The following PHKA1 variants were observed in gnomAD, a reference collection of about 807,000 sequenced individuals.
PHKA1 encodes the protein phosphorylase kinase regulatory subunit alpha 1, also known as phosphorylase b kinase regulatory subunit alpha, skeletal muscle isoform.
Under a neutral mutation model 110.2 loss-of-function variants are expected in PHKA1, and 60 were observed. The ratio of observed to expected loss-of-function variants is 0.54; its 90% CI spans 0.44 to 0.68. The LOEUF (loss-of-function observed/expected upper bound fraction) is 0.68, where lower values mean the gene tolerates loss of function less well. Among genes scored for constraint, PHKA1 ranks in the 30% least tolerant of loss-of-function variants. The pLI is 0.00. For missense variants in PHKA1, 801 were observed against 942.5 expected, an observed-to-expected ratio of 0.85 and a Z score of 1.97; for synonymous variants, 316 against 333.6, an observed-to-expected ratio of 0.95 and a Z score of 0.58.
intron 8 of PHKA1, among the ~76,000 whole-genome samples, chrX:72,662,454 C>T (rs782266233): frequency 9.8e-5 from 11 of 112,252 alleles, no homozygotes; most frequent in Admixed American, 3.7e-4. Context: ...CTGGACCAGC[C>T]TGACGGAGAA....
chrX:72,676,187 T>TA, intron 5 of PHKA1, 37 bp from the exon 6 acceptor site: 1 of 1,048,227 alleles, frequency 9.5e-7, no homozygotes, highest in Non-Finnish European at 1.3e-6. Flanking sequence ...TAGCAAGTCA[T>TA]AACTACTAAA....
In PHKA1 at chrX:72,605,279, C is replaced by G; in HGVS notation, c.2807G>C (p.Arg936Pro). 1 of 1,203,094 alleles carries G rather than the reference C, an allele frequency of 8.3e-7. No individual in the cohort carries two copies. The highest frequency in any genetic ancestry group is 1.1e-6 in the Non-Finnish European group (1 of 887,810). Residue 936 changes from arginine to proline, a missense_variant, in exon 25 of 32, where the codon CGA becomes CCA. Arg to Pro is a moderately radical substitution (Grantham distance 103). Coordinates refer to ENST00000373542, the MANE Select transcript of PHKA1 (RefSeq NM_002637.4). ...GTTACTGAATTAAGTACCTGAGCAT[C>G]GAAGGGAGTGGGCCAGTTCTGTTGC... is the stretch of plus-strand genomic sequence containing the variant. The part of the protein sequence containing the change: ...VMATELAHSL[R>P]CSAEEATEGL...
intron 23 of PHKA1, among the ~76,000 whole-genome samples, chrX:72,607,032 T>C (rs193176499): frequency 2.2e-4 from 25 of 111,950 alleles, no homozygotes; most frequent in Non-Finnish European, 3.9e-4. Context: ...GTTCCATCCA[T>C]GTTGTTACAA....
chrX:72,613,378 TACACACACACAC>T (rs60746566), intron 21 of PHKA1, among the ~76,000 whole-genome samples: 2 of 97,973 alleles, frequency 2.0e-5, no homozygotes, highest in Admixed American at 2.2e-4. Flanking sequence ...CATGGGAGGA[TACACACACACAC>T]ACACACACAC....
intron 17 of PHKA1, among the ~76,000 whole-genome samples, chrX:72,624,687 G>A (rs1328893246): frequency 4.5e-5 from 5 of 111,514 alleles, no homozygotes; most frequent in African/African-American, 1.6e-4. Flanking sequence ...TGCAGGACCT[G>A]TAAGTAATAA....
chrX:72,627,882 A>G (rs2147720477), intron 16 of PHKA1, among the ~76,000 whole-genome samples: 1 of 91,495 alleles, frequency 1.1e-5, no homozygotes, highest in African/African-American at 4.5e-5. Flanking sequence ...CAATGGCTTG[A>G]TCTCGGCTCA....
chrX:72,622,063 C>T, intron 18 of PHKA1: 3 of 742,146 alleles, frequency 4.0e-6, no homozygotes, highest in Non-Finnish European at 4.8e-6. Flanking sequence ...TATGCCAAGA[C>T]ATCATGACTT....
intron 15 of PHKA1, 32 bp downstream of exon 15, chrX:72,636,245 T>A: frequency 1.2e-6 from 1 of 849,905 alleles, no homozygotes; most frequent in South Asian, 2.0e-5. Context: ...TTTCCATTCA[T>A]CTCAATGCAC....
intron 4 of PHKA1, among the ~76,000 whole-genome samples, chrX:72,690,769 T>G (rs1603272873): frequency 1.8e-5 from 2 of 112,204 alleles, no homozygotes; most frequent in Admixed American, 1.9e-4. Flanking sequence ...TTAATTTCTT[T>G]TTTTGTTTGT....
intron 3 of PHKA1, among the ~76,000 whole-genome samples, chrX:72,696,743 T>C (rs2054123410): frequency 9.0e-6 from 1 of 111,716 alleles, no homozygotes; most frequent in Admixed American, 9.4e-5. Context: ...ATCTTCAACT[T>C]TGGCAAAATA....
chrX:72,664,624 A>G (rs187598901), intron 8 of PHKA1, among the ~76,000 whole-genome samples: 2 of 111,783 alleles, frequency 1.8e-5, no homozygotes, highest in Admixed American at 1.9e-4. Flanking sequence ...GGTACAGAAA[A>G]TACATTAGCA....
chrX:72,697,568 GTTTTT>G (rs1178050899), intron 3 of PHKA1, among the ~76,000 whole-genome samples: 4 of 100,685 alleles, frequency 4.0e-5, no homozygotes, highest in Non-Finnish European at 6.1e-5. Flanking sequence ...TTGAGCAAAA[GTTTTT>G]TTTTTTTTCT....
intron 3 of PHKA1, among the ~76,000 whole-genome samples, chrX:72,700,498 G>GT (rs1446924398): frequency 1.3e-4 from 14 of 111,808 alleles, no homozygotes; most frequent in African/African-American, 4.5e-4. Flanking sequence ...GTATAAATAT[G>GT]TTATTGGTAT....
At chrX:72,614,667 G>T (rs1411770442) in intron 21 of PHKA1, among the ~76,000 whole-genome samples, 2 of 111,979 alleles carry the variant, frequency 1.8e-5, no homozygotes, top group African/African-American at 6.5e-5. Flanking sequence ...CATTCACATT[G>T]TAAGGGAAGA....
chrX:72,645,233 A>G (rs905471684), intron 13 of PHKA1, among the ~76,000 whole-genome samples: 6 of 112,228 alleles, frequency 5.3e-5, no homozygotes, highest in Non-Finnish European at 9.4e-5. Flanking sequence ...CAGTAATCCA[A>G]TTGAGGCTTT....
At chrX:72,681,728 C>A (rs2053880560) in intron 5 of PHKA1, among the ~76,000 whole-genome samples, 1 of 67,696 alleles carries the variant, frequency 1.5e-5, no homozygotes, top group African/African-American at 6.0e-5. Context: ...GTGGGGGGGT[C>A]AGCCCTCCGC....
At chrX:72,663,390 A>G (rs1403768009) in intron 8 of PHKA1, among the ~76,000 whole-genome samples, 1 of 111,144 alleles carries the variant, frequency 9.0e-6, no homozygotes, top group East Asian at 2.8e-4. Flanking sequence ...ACCATAAAGC[A>G]AACAAATAAT....
chrX:72,627,173 C>T, intron 16 of PHKA1, 124 bp from the exon 17 acceptor site: 2 of 543,227 alleles, frequency 3.7e-6, no homozygotes, highest in Non-Finnish European at 6.4e-6. Context: ...TCCTCATTGA[C>T]CATCCTGATT....
rs191323513 is a variant in PHKA1, at chrX:72,641,640, G to A, written c.1459+2722C>T. Among the ~76,000 whole-genome samples the A allele has an allele frequency of 2.1e-4, 23 of 111,735 alleles. 2 individuals are homozygous for A. In the East Asian group the frequency reaches 6.4e-3, roughly 31 times the overall value. ...AAAAAAATGTTTTGGAACTGACAATGAAATACTGAGCATTTGAGGGGAGAA... is the reference window on the plus strand; with the variant it reads ...AAAAAAATGTTTTGGAACTGACAATAAAATACTGAGCATTTGAGGGGAGAA... On this transcript the variant is annotated intron_variant, in intron 14 of 31. Coordinates refer to ENST00000373542, the MANE Select transcript of PHKA1 (RefSeq NM_002637.4).
Sources: gnomAD v4.1 joint callset for allele counts (sites outside exome capture counted in the v4.1 genomes callset) on GRCh38, gnomAD v4.1.1 for gene constraint, MANE v1.5 for transcripts, NCBI Gene and HGNC (gene_info 2026-07-23, HGNC 2026-07-21) for gene names.